SLC25A38: variants seen among roughly 807,000 people sequenced by gnomAD.
SLC25A38 encodes the protein mitochondrial glycine transporter.
SLC25A38 carries 27 observed loss-of-function variants against 33.4 expected under a neutral mutation model. The observed-to-expected ratio is 0.81, with a 90% confidence interval of 0.60 to 1.11. The LOEUF (loss-of-function observed/expected upper bound fraction) is 1.11, where lower values mean the gene tolerates loss of function less well. Ranked by LOEUF, SLC25A38 falls within the 50% of genes most tolerant of loss-of-function variation. SLC25A38 has a pLI of 0.00. For synonymous variants in SLC25A38, 123 were observed against 145.9 expected (o/e 0.84, Z 1.13); for missense variants, 344 against 388.8 (o/e 0.88, Z 0.97).
At chr3:39,394,361 C>G in intron 5 of SLC25A38, 49 bp from the exon 6 acceptor site, 1 of 1,609,866 alleles carries the variant, frequency 6.2e-7, no homozygotes, top group Non-Finnish European at 8.5e-7. Flanking sequence ...TGACCTTTAT[C>G]TGATTAATAT....
rs1259307467 is a variant in SLC25A38 at position 39,389,338 on chromosome 3, G to A, written c.70-157G>A. The A allele has an allele frequency of 4.5e-6, 5 of 1,111,326 alleles. No individual in the cohort carries two copies. Among genetic ancestry groups the A allele is most frequent in the South Asian group, 2.6e-5 (2 of 76,232 alleles). 68.8% of individuals were successfully genotyped at this position (1,111,326 alleles called of 1,614,324 possible). On this transcript the variant is annotated intron_variant, in intron 1 of 6. Transcript: ENST00000650617. The surrounding 1 kb of genome is among the most constrained non-coding windows in gnomAD (Gnocchi z 4.5). ...TAACATTGCAGTATTTTTAATTTCTGGCTATACTTTTTCCTTCTCCGAGGT... is the reference window on the plus strand; with the variant it reads ...TAACATTGCAGTATTTTTAATTTCTAGCTATACTTTTTCCTTCTCCGAGGT...
chr3:39,389,478 A>ATTG lies in SLC25A38; in HGVS notation c.70-15_70-13dup. 6.2e-7 allele frequency: 1 copy of ATTG among 1,614,118 alleles called. No individual in the cohort carries two copies. The highest frequency in any genetic ancestry group is 2.2e-5 in the East Asian group (1 of 44,882). ...ACACAGGCAGAGCTACTGACACAAT[A>ATTG]TTGTCTTATCCTGCAGTTACATCCG... is the stretch of plus-strand genomic sequence containing the variant. On this transcript the variant is annotated splice_polypyrimidine_tract_variant and intron_variant, in intron 1 of 6. Transcript: ENST00000650617. This position sits in a 1 kb window ranked among gnomAD's most constrained non-coding sequence, Gnocchi z 4.5.
chr3:39,394,299 T>C, intron 5 of SLC25A38, 111 bp from the exon 6 acceptor site: 1 of 1,373,138 alleles, frequency 7.3e-7, no homozygotes, highest in South Asian at 1.2e-5. Context: ...CGTAGCCTCA[T>C]TTGAATCCAG....
In SLC25A38 at chr3:39,389,585, C is replaced by A. The variant is rs749681214; in HGVS notation, c.160C>A (p.Arg54Ser). The A allele has an allele frequency of 1.2e-6, 2 of 1,614,038 alleles. No homozygotes were observed. Among genetic ancestry groups the A allele is most frequent in the African/African-American group, 1.3e-5 (1 of 74,906 alleles). Residue 54 changes from arginine to serine, a missense_variant, in exon 2 of 7, where the codon CGC becomes AGC. By Grantham distance (110) the Arg-to-Ser change is moderately radical. This residue lies in a region of SLC25A38 where 269 missense variants were observed against 271.8 expected (regional missense o/e 0.99). Coordinates refer to ENST00000650617, the MANE Select transcript of SLC25A38 (RefSeq NM_017875.4). The surrounding 1 kb of genome is among the most constrained non-coding windows in gnomAD (Gnocchi z 4.5). ...LFQPLDLLKT[R>S]LQTLQPSDHG... ...CCAACCTCTGGATCTCCTTAAAACA[C>A]GCCTGCAAACCCTCCAGCCCTCAGA...
At chr3:39,393,995 A>G (rs899789523) in intron 5 of SLC25A38, among the ~76,000 whole-genome samples, 1 of 152,254 alleles carries the variant, frequency 6.6e-6, no homozygotes, top group African/African-American at 2.4e-5. Context: ...GAGGGTCATG[A>G]CATCAATTTG....
rs1247142335 is a variant in SLC25A38 at position 39,394,421 on chromosome 3, G to A, written c.637G>A (p.Ala213Thr). The stretch of plus-strand genomic sequence containing the variant: ...TTGTTCTATTTCAGACCAGGTGGAT[G>A]CAACCCTTATTCCTATTACAAATTT... ...KNIVPHDQVD[A>T]TLIPITNFSC... The change falls in exon 6 of 7, where the codon GCA (alanine) becomes ACA (threonine). Residue 213 changes from alanine (A) to threonine (T), a missense_variant. Ala to Thr is a moderately conservative substitution (Grantham distance 58). This residue lies in a region of SLC25A38 where 269 missense variants were observed against 271.8 expected (regional missense o/e 0.99). Coordinates refer to ENST00000650617, the MANE Select transcript of SLC25A38 (RefSeq NM_017875.4). 1.9e-6 allele frequency: 3 copies of A among 1,612,808 alleles called. No individual in the cohort carries two copies. Among genetic ancestry groups the A allele is most frequent in the East Asian group, 2.2e-5 (1 of 44,878 alleles).
chr3:39,384,273 G>A (rs1559389973), intron 1 of SLC25A38, among the ~76,000 whole-genome samples: 1 of 152,214 alleles, frequency 6.6e-6, no homozygotes, highest in South Asian at 2.1e-4. Flanking sequence ...CACCCTTCCA[G>A]CCTGTTGGGA....
rs1357110274 is a variant in SLC25A38 at position 39,389,475 on chromosome 3, A to G, written c.70-20A>G. 2.5e-6 allele frequency: 4 copies of G among 1,614,240 alleles called. No individual in the cohort carries two copies. In the South Asian group the frequency reaches 4.4e-5, roughly 18 times the overall value. ...CTCACACAGGCAGAGCTACTGACAC[A>G]ATATTGTCTTATCCTGCAGTTACAT... On this transcript the variant is annotated intron_variant, in intron 1 of 6. Coordinates refer to ENST00000650617, the MANE Select transcript of SLC25A38 (RefSeq NM_017875.4). This position sits in a 1 kb window ranked among gnomAD's most constrained non-coding sequence, Gnocchi z 4.5.
intron 1 of SLC25A38, among the ~76,000 whole-genome samples, chr3:39,384,261 G>C (rs114043289): frequency 4.9e-4 from 75 of 152,300 alleles, no homozygotes; most frequent in African/African-American, 1.8e-3. Context: ...CAGTCGTGGC[G>C]GCACCCTTCC....
At chr3:39,385,436 T>C (rs1232537615) in intron 1 of SLC25A38, among the ~76,000 whole-genome samples, 2 of 152,124 alleles carry the variant, frequency 1.3e-5, no homozygotes, top group African/African-American at 4.8e-5. Context: ...AAATTTGTTT[T>C]AAAACAAATT....
At chr3:39,385,022 G>A (rs1044089916) in intron 1 of SLC25A38, among the ~76,000 whole-genome samples, 2 of 151,992 alleles carry the variant, frequency 1.3e-5, no homozygotes, top group Non-Finnish European at 2.9e-5. Flanking sequence ...GGCTGGTCTT[G>A]AACTCCTGAC....
intron 1 of SLC25A38, 97 bp downstream of exon 1, chr3:39,383,890 G>C (rs1197593074): frequency 3.7e-6 from 5 of 1,333,848 alleles, no homozygotes; most frequent in Middle Eastern, 1.8e-4. Flanking sequence ...CCTTTTCCGC[G>C]CCCCAGGGTG....
Position 39,383,778 on chromosome 3 carries a change from G to T in SLC25A38, c.54G>T (p.Thr18=). 1 of 1,614,180 alleles carries T rather than the reference G, an allele frequency of 6.2e-7. No individual in the cohort carries two copies. The highest frequency in any genetic ancestry group is 1.6e-4 in the Middle Eastern group (1 of 6,062). The change falls in exon 1 of 7, where the codon ACG becomes ACT. Residue 18 remains threonine, a synonymous_variant. Transcript: ENST00000650617. ...TGCAACCCCAAGATGTCGGAGACAC[G>T]GTGGAAACGCTTATGGTGAGGGCAC... The part of the protein sequence containing the change: ...SLLQPQDVGD[T]VETLMLHPVI...
intron 5 of SLC25A38, among the ~76,000 whole-genome samples, chr3:39,394,199 T>G (rs2041804739): frequency 6.6e-6 from 1 of 152,248 alleles, no homozygotes; most frequent in African/African-American, 2.4e-5. Flanking sequence ...CCTGAGTCAG[T>G]TATTGTGATG....
At chr3:39,395,281 G>A (rs1559394312) in intron 6 of SLC25A38, among the ~76,000 whole-genome samples, 2 of 152,306 alleles carry the variant, frequency 1.3e-5, no homozygotes, top group East Asian at 3.9e-4. Context: ...AAGATAAAAA[G>A]TATAGTAGAG....
chr3:39,389,487 T>C lies in SLC25A38; in HGVS notation c.70-8T>C, dbSNP rs2041736889. On this transcript the variant is annotated splice_region_variant and splice_polypyrimidine_tract_variant and intron_variant, in intron 1 of 6. Transcript: ENST00000650617. The surrounding 1 kb of genome is among the most constrained non-coding windows in gnomAD (Gnocchi z 4.5). Reference sequence around the variant, plus strand: ...GAGCTACTGACACAATATTGTCTTATCCTGCAGTTACATCCGGTGATCAAG... The same window carrying C: ...GAGCTACTGACACAATATTGTCTTACCCTGCAGTTACATCCGGTGATCAAG... 3 of 1,614,238 alleles carry C rather than the reference T, an allele frequency of 1.9e-6. No homozygotes were observed. Among genetic ancestry groups the C allele is most frequent in the East Asian group, 4.5e-5 (2 of 44,880 alleles).
rs78578130 is a variant in SLC25A38, at chr3:39,385,110, C to G, written c.69+1317C>G. Among the ~76,000 whole-genome samples, 41 of 152,242 alleles carry G rather than the reference C, an allele frequency of 2.7e-4. No individual in the cohort carries two copies. The East Asian group carries it at 7.1e-3, about 27-fold the overall frequency. On this transcript the variant is annotated intron_variant, in intron 1 of 6. Transcript: ENST00000650617. ...AGCCACCGCGCTTGGCCTTGAGCTA[C>G]TTTTTAAAAGTTAAGTTCACTCGCA...
chr3:39,385,589 T>C (rs2041700550), intron 1 of SLC25A38, among the ~76,000 whole-genome samples: 1 of 152,072 alleles, frequency 6.6e-6, no homozygotes, highest in Non-Finnish European at 1.5e-5. Context: ...GGATGAGTCA[T>C]GCAGGGCCCA....
In SLC25A38 at chr3:39,389,296, G is replaced by GCATC; in HGVS notation, c.70-196_70-193dup. 1 of 814,382 alleles carries GCATC rather than the reference G, an allele frequency of 1.2e-6. No individual in the cohort carries two copies. Among genetic ancestry groups the GCATC allele is most frequent in the Non-Finnish European group, 2.1e-6 (1 of 484,670 alleles). The allele number at this position is 814,382 out of a possible 1,614,324, so 50.4% of individuals were successfully genotyped here. ...ACGAAGACCAGAGATACCTCTTGCAGCATCCAATGTCCTCAATAACATTGC... is the reference window on the plus strand; with the variant it reads ...ACGAAGACCAGAGATACCTCTTGCAGCATCCATCCAATGTCCTCAATAACATTGC... On this transcript the variant is annotated intron_variant, in intron 1 of 6. Transcript: ENST00000650617. The surrounding 1 kb of genome is among the most constrained non-coding windows in gnomAD (Gnocchi z 4.5).
Sources: gnomAD v4.1 joint callset for allele counts (sites outside exome capture counted in the v4.1 genomes callset) on GRCh38, gnomAD v4.1.1 for gene constraint, gnomAD v4.1.1 regional missense constraint, Gnocchi (gnomAD v3.1) non-coding constraint, MANE v1.5 for transcripts, NCBI Gene and HGNC (gene_info 2026-07-23, HGNC 2026-07-21) for gene names.